BRI3BP: variants seen among roughly 807,000 people sequenced by gnomAD.
BRI3BP encodes the protein BRI3-binding protein.
A neutral mutation model predicts 15.8 loss-of-function variants in BRI3BP; 7 were observed. The ratio of observed to expected loss-of-function variants is 0.44; its 90% confidence interval spans 0.25 to 0.83. The LOEUF is 0.83. Among genes scored for constraint, BRI3BP ranks in the 40% least tolerant of loss-of-function variants. The pLI is 0.20. For synonymous variants in BRI3BP, 192 were observed against 163.5 expected (o/e 1.17, Z -1.33); for missense variants, 320 against 339.3 (o/e 0.94, Z 0.45).
intron 2 of BRI3BP, among the ~76,000 whole-genome samples, chr12:125,016,663 T>G (rs1401499719): frequency 6.6e-6 from 1 of 151,706 alleles, no homozygotes. Flanking sequence ...GTAGCTGGGA[T>G]TACAGGCATG....
At chr12:125,038,664 C>T in the BRI3BP span, among the ~76,000 whole-genome samples, 1 of 152,118 alleles carries the variant, frequency 6.6e-6, no homozygotes, top group African/African-American at 2.4e-5. Flanking sequence ...ACTCAGGAAG[C>T]TGAGGCAGGA....
chr12:125,016,246 T>C (rs1053746906), intron 2 of BRI3BP, among the ~76,000 whole-genome samples: 5 of 152,116 alleles, frequency 3.3e-5, no homozygotes, highest in African/African-American at 7.2e-5. Context: ...TCGTGTCTTA[T>C]GCGTAGAAGT....
chr12:125,050,313 G>T, the BRI3BP span, among the ~76,000 whole-genome samples: 4 of 151,204 alleles, frequency 2.6e-5, no homozygotes, highest in Non-Finnish European at 5.9e-5. Context: ...TCACGCCACT[G>T]CCCTCCAGGT....
At chr12:125,011,959 G>C (rs1043090572) in intron 1 of BRI3BP, among the ~76,000 whole-genome samples, 5 of 152,186 alleles carry the variant, frequency 3.3e-5, no homozygotes, top group Non-Finnish European at 7.3e-5. Flanking sequence ...GGGAGGGCCA[G>C]GCAGGAGGAC....
chr12:125,024,518 G>A (rs1955330892), intron 2 of BRI3BP, among the ~76,000 whole-genome samples: 4 of 152,158 alleles, frequency 2.6e-5, no homozygotes. Context: ...GGGCTTCCCT[G>A]GCTGGGCATG....
At chr12:125,036,244 T>TTAGAC in the BRI3BP span, among the ~76,000 whole-genome samples, 128 of 148,222 alleles carry the variant, frequency 8.6e-4, no homozygotes, top group Non-Finnish European at 1.3e-3. Context: ...TTTGTATTTT[T>TTAGAC]AGTAGAGACG....
intron 2 of BRI3BP, among the ~76,000 whole-genome samples, chr12:125,021,925 C>T (rs565552830): frequency 3.3e-5 from 5 of 151,942 alleles, no homozygotes; most frequent in African/African-American, 1.2e-4. Context: ...CAAAAAAATA[C>T]AAAAATTAGC....
intron 1 of BRI3BP, among the ~76,000 whole-genome samples, chr12:125,007,774 T>C (rs1297626994): frequency 6.6e-6 from 1 of 152,154 alleles, no homozygotes; most frequent in Non-Finnish European, 1.5e-5. Flanking sequence ...TCATTATTAT[T>C]ATTTTCTGCT....
downstream of BRI3BP, among the ~76,000 whole-genome samples, chr12:125,033,046 G>A (rs1242914295): frequency 6.6e-6 from 1 of 152,180 alleles, no homozygotes; most frequent in African/African-American, 2.4e-5. Flanking sequence ...CAGAGCAGCT[G>A]GCGGCATTGC....
chr12:125,011,695 T>C (rs1345533199), intron 1 of BRI3BP, among the ~76,000 whole-genome samples: 1 of 151,856 alleles, frequency 6.6e-6, no homozygotes, highest in Non-Finnish European at 1.5e-5. Flanking sequence ...TTGAGTTTTA[T>C]GCTACATGTA....
At chr12:125,014,662 C>A (rs1315363615) in intron 2 of BRI3BP, among the ~76,000 whole-genome samples, 4 of 152,162 alleles carry the variant, frequency 2.6e-5, no homozygotes, top group African/African-American at 9.6e-5. Flanking sequence ...TCTAGACTCC[C>A]AGAGGGAACG....
chr12:125,024,154 C>A (rs1955325506), intron 2 of BRI3BP, among the ~76,000 whole-genome samples: 2 of 152,142 alleles, frequency 1.3e-5, no homozygotes, highest in African/African-American at 4.8e-5. Context: ...ATAATCATGG[C>A]AGAAGGCAAA....
chr12:125,004,887 G>A (rs12302068), intron 1 of BRI3BP, among the ~76,000 whole-genome samples: 2 of 151,888 alleles, frequency 1.3e-5, no homozygotes, highest in East Asian at 1.9e-4. Flanking sequence ...CCTGTGTCAC[G>A]CAGGCTGGAG....
At chr12:125,020,810 G>A (rs1955292480) in intron 2 of BRI3BP, among the ~76,000 whole-genome samples, 1 of 152,120 alleles carries the variant, frequency 6.6e-6, no homozygotes, top group Admixed American at 6.6e-5. Flanking sequence ...AGCCCAGGAG[G>A]TAGAGGTTGC....
chr12:124,994,102 G>A (rs1421240661), intron 1 of BRI3BP, 99 bp downstream of exon 1: 7 of 822,120 alleles, frequency 8.5e-6, no homozygotes, highest in South Asian at 5.7e-5. Context: ...GGGGCTGCCC[G>A]CCCGGCCAGC....
chr12:125,016,146 T>C (rs1955241239), intron 2 of BRI3BP, among the ~76,000 whole-genome samples: 1 of 152,146 alleles, frequency 6.6e-6, no homozygotes, highest in Admixed American at 6.6e-5. Context: ...GCTGGCGCGT[T>C]CTGGAGGCGA....
chr12:125,006,069 CCTA>C (rs1955141303), intron 1 of BRI3BP, among the ~76,000 whole-genome samples: 1 of 152,082 alleles, frequency 6.6e-6, no homozygotes, highest in East Asian at 1.9e-4. Flanking sequence ...GTCCTGCTCT[CCTA>C]CTTGCATAAG....
At chr12:125,024,748 G>A (rs1955333757) in intron 2 of BRI3BP, among the ~76,000 whole-genome samples, 2 of 151,456 alleles carry the variant, frequency 1.3e-5, no homozygotes, top group Non-Finnish European at 2.9e-5. Context: ...GTGGTGAGCC[G>A]AGATCACACC....
At chr12:125,050,460 T>TA in the BRI3BP span, among the ~76,000 whole-genome samples, 1 of 152,126 alleles carries the variant, frequency 6.6e-6, no homozygotes, top group Non-Finnish European at 1.5e-5. Flanking sequence ...AAGAAAGGCT[T>TA]AAAGTGCCCA....
Sources: gnomAD v4.1 joint callset for allele counts (sites outside exome capture counted in the v4.1 genomes callset) on GRCh38, gnomAD v4.1.1 for gene constraint, MANE v1.5 for transcripts, NCBI Gene and HGNC (gene_info 2026-07-23, HGNC 2026-07-21) for gene names.